PRKAG2: variants seen among roughly 807,000 people sequenced by gnomAD.
PRKAG2 encodes the protein protein kinase AMP-activated non-catalytic subunit gamma 2.
In PRKAG2, 26 loss-of-function variants were observed where a neutral mutation model predicts 69.6. The ratio of observed to expected loss-of-function variants is 0.37; its 90% confidence interval spans 0.27 to 0.52. PRKAG2 has a LOEUF of 0.52. PRKAG2 is among the 20% of genes least tolerant of loss of function. The pLI, the probability that PRKAG2 is intolerant of heterozygous loss-of-function variation, is 0.90. For synonymous variants in PRKAG2, 293 were observed against 285.0 expected (o/e 1.03, Z -0.28); for missense variants, 557 against 740.0 (o/e 0.75, Z 2.87).
Position 151,570,258 on chromosome 7 carries a change from A to C in PRKAG2, c.1052-33T>G, listed in dbSNP as rs753455411. On this transcript the variant is annotated intron_variant, in intron 9 of 15. Transcript: ENST00000287878. The stretch of plus-strand genomic sequence containing the variant: ...TATAGAAAGAAAATATGCAGTTAGT[A>C]ACACATTTGCTGTTTGCAGTTATAA... The C allele has an allele frequency of 1.9e-6, 3 of 1,590,742 alleles. No homozygotes were observed. The East Asian group carries it at 6.8e-5, about 36-fold the overall frequency.
At chr7:151,773,231 A>AGAAC (rs2076173976) in intron 3 of PRKAG2, among the ~76,000 whole-genome samples, 1 of 151,390 alleles carries the variant, frequency 6.6e-6, no homozygotes, top group African/African-American at 2.4e-5. Context: ...AAGGAAAGAA[A>AGAAC]GGAAAGGAAA....
At chr7:151,680,987 C>T (rs1468176899) in intron 3 of PRKAG2, among the ~76,000 whole-genome samples, 1 of 152,224 alleles carries the variant, frequency 6.6e-6, no homozygotes, top group Admixed American at 6.5e-5. Context: ...TCTTTGGGTA[C>T]AGAACGTTCA....
intron 2 of PRKAG2, among the ~76,000 whole-genome samples, chr7:151,785,850 G>A (rs2076978381): frequency 6.6e-6 from 1 of 151,966 alleles, no homozygotes; most frequent in Non-Finnish European, 1.5e-5. Flanking sequence ...TCCCTCTCCA[G>A]AGCCCCCCAC....
chr7:151,827,646 A>G (rs903847956), intron 1 of PRKAG2, among the ~76,000 whole-genome samples: 3 of 151,270 alleles, frequency 2.0e-5, no homozygotes, highest in Admixed American at 6.6e-5. Context: ...CTCATTTTAC[A>G]TAAAGAGAAA....
At chr7:151,714,887 T>A (rs186293039) in intron 3 of PRKAG2, among the ~76,000 whole-genome samples, 3,401 of 149,134 alleles carry the variant, frequency 0.023, 114 homozygotes, top group African/African-American at 0.079. Context: ...GAGGTGGAGG[T>A]TGCAGTGAGC....
intron 5 of PRKAG2, among the ~76,000 whole-genome samples, chr7:151,602,117 G>A (rs55807670): frequency 0.045 from 6,829 of 152,310 alleles, 498 homozygotes; most frequent in African/African-American, 0.15. Flanking sequence ...GACGCTCCTC[G>A]CGCAGCCGCA....
chr7:151,806,153 C>T (rs6976245), intron 1 of PRKAG2, among the ~76,000 whole-genome samples: 9,515 of 152,328 alleles, frequency 0.062, 364 homozygotes, highest in African/African-American at 0.1. Context: ...CCCACCACTG[C>T]ACCCCAGCTT....
chr7:151,635,890 C>T (rs982608117), intron 4 of PRKAG2, among the ~76,000 whole-genome samples: 1 of 142,198 alleles, frequency 7.0e-6, no homozygotes, highest in African/African-American at 2.6e-5. Context: ...TTTTTTGAGA[C>T]GGAGTCTCGC....
intron 1 of PRKAG2, among the ~76,000 whole-genome samples, chr7:151,818,999 C>T (rs1039271996): frequency 6.6e-6 from 1 of 152,244 alleles, no homozygotes; most frequent in Non-Finnish European, 1.5e-5. Context: ...GCGCCGTGAA[C>T]ATCCTTGTTG....
chr7:151,592,055 C>T (rs1585094415), intron 6 of PRKAG2, among the ~76,000 whole-genome samples: 1 of 152,084 alleles, frequency 6.6e-6, no homozygotes, highest in African/African-American at 2.4e-5. Flanking sequence ...AGACGGGGCT[C>T]GCCCAGGCCT....
chr7:151,565,936 A>T (rs776514768), intron 11 of PRKAG2, 51 bp from the exon 12 acceptor site: 1 of 1,561,126 alleles, frequency 6.4e-7, no homozygotes, highest in Non-Finnish European at 8.8e-7. Flanking sequence ...CACTCTTGTC[A>T]TGTTCAAAGG....
intron 3 of PRKAG2, among the ~76,000 whole-genome samples, chr7:151,767,623 T>C (rs1200068456): frequency 6.6e-6 from 1 of 152,212 alleles, no homozygotes; most frequent in Admixed American, 6.5e-5. Flanking sequence ...CAGTTTGTGG[T>C]GCTGTTATAG....
At chr7:151,750,508 G>A (rs1037964822) in intron 3 of PRKAG2, among the ~76,000 whole-genome samples, 22 of 152,204 alleles carry the variant, frequency 1.4e-4, no homozygotes, top group African/African-American at 4.8e-4. Flanking sequence ...GCAGAAGCCC[G>A]CAGGTCATGG....
In PRKAG2 at chr7:151,697,557, T is replaced by C. The variant is rs1478883929; in HGVS notation, c.467-21920A>G. 5.3e-5 allele frequency among the ~76,000 whole-genome samples: 8 copies of C among 152,088 alleles called. 1 individual carries two copies. The highest frequency in any genetic ancestry group is 2.0e-4 in the Admixed American group (3 of 15,278). Reference sequence around the variant, plus strand: ...CTGGTCCTTGGCTTGGAGAGCTGGGTACACAATGATGCCCAACCCTCATAA... The same window carrying C: ...CTGGTCCTTGGCTTGGAGAGCTGGGCACACAATGATGCCCAACCCTCATAA... On this transcript the variant is annotated intron_variant, in intron 3 of 15. Transcript: ENST00000287878.
At chr7:151,772,629 T>C (rs368811948) in intron 3 of PRKAG2, among the ~76,000 whole-genome samples, 19 of 152,310 alleles carry the variant, frequency 1.2e-4, no homozygotes, top group African/African-American at 4.6e-4. Flanking sequence ...ATTTAGATAT[T>C]CAAATGTTTT....
intron 1 of PRKAG2, among the ~76,000 whole-genome samples, chr7:151,875,688 G>A (rs1470640334): frequency 1.3e-5 from 2 of 150,308 alleles, no homozygotes; most frequent in Admixed American, 6.6e-5. Context: ...GCCCTACCCC[G>A]CTACGTGGAG....
intron 4 of PRKAG2, among the ~76,000 whole-genome samples, chr7:151,664,094 A>G (rs1258801402): frequency 3.3e-5 from 5 of 152,314 alleles, no homozygotes; most frequent in African/African-American, 1.2e-4. Context: ...ACCATGTGCC[A>G]AACCCCTAAT....
chr7:151,726,396 A>G (rs1026791972), intron 3 of PRKAG2, among the ~76,000 whole-genome samples: 3 of 145,968 alleles, frequency 2.1e-5, no homozygotes, highest in Non-Finnish European at 3.0e-5. Context: ...ACACACACAC[A>G]CACACGCACA....
At chr7:151,848,510 G>GTTT (rs2079490600) in intron 1 of PRKAG2, among the ~76,000 whole-genome samples, 24 of 83,968 alleles carry the variant, frequency 2.9e-4, no homozygotes, top group Admixed American at 5.3e-4. Flanking sequence ...AATACTGCAT[G>GTTT]TCTTTTTTTT....
Sources: allele counts gnomAD v4.1 joint callset (sites outside exome capture counted in the v4.1 genomes callset), GRCh38; gene constraint gnomAD v4.1.1; transcripts MANE v1.5; gene names NCBI Gene and HGNC (gene_info 2026-07-23, HGNC 2026-07-21).